The following GRM7 variants were observed in gnomAD, a reference collection of about 807,000 sequenced individuals.
The protein encoded by GRM7 is metabotropic glutamate receptor 7.
Under a neutral mutation model 84.5 loss-of-function variants are expected in GRM7, and 35 were observed. That is an observed-to-expected ratio of 0.41 (90% CI 0.32 to 0.55). GRM7 has a LOEUF of 0.55. Ranked by LOEUF, GRM7 falls within the 20% of genes least tolerant of loss-of-function variation. The pLI, the probability that GRM7 is intolerant of heterozygous loss-of-function variation, is 0.19. For synonymous variants in GRM7, 487 were observed against 455.1 expected (o/e 1.07, Z -0.89); for missense variants, 1,003 against 1,194.6 (o/e 0.84, Z 2.36).
At chr3:6,880,552 C>G (rs1044747196) in intron 1 of GRM7, among the ~76,000 whole-genome samples, 1 of 152,060 alleles carries the variant, frequency 6.6e-6, no homozygotes, top group African/African-American at 2.4e-5. Context: ...CATTTAGGGA[C>G]CAAAAGCCCC....
chr3:7,651,383 C>G (rs1018816428), intron 8 of GRM7, among the ~76,000 whole-genome samples: 9 of 152,288 alleles, frequency 5.9e-5, no homozygotes, highest in African/African-American at 2.2e-4. Context: ...GTTTGCAGTA[C>G]CAGCCTCCCT....
rs1029215832 is a variant in GRM7 at position 7,045,784 on chromosome 3, T to C, written c.520-100668T>C. 9.9e-5 allele frequency among the ~76,000 whole-genome samples: 15 copies of C among 152,280 alleles called. No individual in the cohort carries two copies. The East Asian group carries it at 2.7e-3, about 27-fold the overall frequency. Reference sequence around the variant, plus strand: ...CATATTTTCATTATTCATCTGTCAGTGGACATTTAGGTTGTTTCTATATTT... The same window carrying C: ...CATATTTTCATTATTCATCTGTCAGCGGACATTTAGGTTGTTTCTATATTT... On this transcript the variant is annotated intron_variant, in intron 1 of 9. Transcript: ENST00000357716.
At chr3:7,392,240 A>G (rs1231635614) in intron 4 of GRM7, among the ~76,000 whole-genome samples, 1 of 152,186 alleles carries the variant, frequency 6.6e-6, no homozygotes, top group African/African-American at 2.4e-5. Flanking sequence ...GACCAGTTCC[A>G]GGTCCCAAAG....
chr3:7,676,971 A>T (rs1163763111), intron 8 of GRM7, among the ~76,000 whole-genome samples: 1 of 152,072 alleles, frequency 6.6e-6, no homozygotes, highest in Admixed American at 6.5e-5. Flanking sequence ...TGTACTTATT[A>T]AAAAATAAGG....
At chr3:7,090,165 A>C (rs114809713) in intron 1 of GRM7, among the ~76,000 whole-genome samples, 4,046 of 152,256 alleles carry the variant, frequency 0.027, 180 homozygotes, top group African/African-American at 0.092. Flanking sequence ...TGAATTAAAA[A>C]TAGATGGATT....
At chr3:7,406,458 C>T (rs1299485000) in intron 4 of GRM7, among the ~76,000 whole-genome samples, 3 of 152,034 alleles carry the variant, frequency 2.0e-5, no homozygotes, top group African/African-American at 7.2e-5. Context: ...CGAGATCACA[C>T]CACTGCACTC....
chr3:7,073,623 A>G (rs1247766509), intron 1 of GRM7, among the ~76,000 whole-genome samples: 5 of 152,206 alleles, frequency 3.3e-5, no homozygotes, highest in African/African-American at 1.2e-4. Context: ...TCTGTTGAAC[A>G]TAGAAACACC....
At chr3:7,232,218 C>A (rs73809021) in intron 2 of GRM7, among the ~76,000 whole-genome samples, 1 of 151,818 alleles carries the variant, frequency 6.6e-6, no homozygotes, top group Non-Finnish European at 1.5e-5. Context: ...GGTGAACTCT[C>A]TTCCAACATT....
At chr3:7,286,273 T>C (rs546953559) in intron 2 of GRM7, among the ~76,000 whole-genome samples, 1 of 152,212 alleles carries the variant, frequency 6.6e-6, no homozygotes, top group African/African-American at 2.4e-5. Context: ...TTTGAGGAAT[T>C]ACATTTCAAA....
intron 7 of GRM7, among the ~76,000 whole-genome samples, chr3:7,547,358 C>T (rs1424084662): frequency 1.3e-5 from 2 of 151,886 alleles, no homozygotes; most frequent in Non-Finnish European, 2.9e-5. Flanking sequence ...AGGCGCCCGC[C>T]GCCACGCCTG....
At chr3:7,330,931 T>C (rs1316946134) in intron 4 of GRM7, among the ~76,000 whole-genome samples, 4 of 152,168 alleles carry the variant, frequency 2.6e-5, no homozygotes, top group African/African-American at 9.7e-5. Flanking sequence ...TTACCTTATC[T>C]CACCTGAATT....
chr3:7,561,725 T>G (rs780123196), intron 7 of GRM7, among the ~76,000 whole-genome samples: 1 of 152,162 alleles, frequency 6.6e-6, no homozygotes, highest in Non-Finnish European at 1.5e-5. Flanking sequence ...TAAGCAGATA[T>G]GCATGTTTGG....
intron 1 of GRM7, among the ~76,000 whole-genome samples, chr3:7,012,621 G>T (rs73025892): frequency 0.028 from 4,327 of 152,144 alleles, 73 homozygotes; most frequent in Middle Eastern, 0.075. Context: ...AGGACCATAA[G>T]ACTCTTATTA....
intron 1 of GRM7, among the ~76,000 whole-genome samples, chr3:7,084,818 A>G (rs1698387547): frequency 6.6e-6 from 1 of 152,152 alleles, no homozygotes; most frequent in Admixed American, 6.6e-5. Context: ...TGTAGAGATT[A>G]AAGAACTATT....
intron 7 of GRM7, among the ~76,000 whole-genome samples, chr3:7,516,056 A>G (rs541710795): frequency 5.3e-5 from 8 of 150,922 alleles, no homozygotes; most frequent in African/African-American, 1.9e-4. Flanking sequence ...GGTCTCAACT[A>G]CTTGGGATGC....
intron 1 of GRM7, among the ~76,000 whole-genome samples, chr3:7,005,527 AG>A (rs2124884212): frequency 6.6e-6 from 1 of 152,330 alleles, no homozygotes; most frequent in African/African-American, 2.4e-5. Flanking sequence ...ATGTTAATTT[AG>A]GTATTTGCAG....
At chr3:7,576,980 C>T (rs1227215094) in intron 7 of GRM7, among the ~76,000 whole-genome samples, 1 of 152,192 alleles carries the variant, frequency 6.6e-6, no homozygotes, top group Non-Finnish European at 1.5e-5. Flanking sequence ...TGATCTTTGT[C>T]TTTCCACTCA....
chr3:6,977,125 G>A (rs1694029554), intron 1 of GRM7, among the ~76,000 whole-genome samples: 2 of 152,168 alleles, frequency 1.3e-5, no homozygotes, highest in South Asian at 4.1e-4. Context: ...AAGCCAGGAA[G>A]TTGTGGCGAA....
chr3:7,200,775 C>T (rs1696038697), intron 2 of GRM7, among the ~76,000 whole-genome samples: 2 of 152,216 alleles, frequency 1.3e-5, no homozygotes, highest in East Asian at 1.9e-4. Flanking sequence ...CCTAAATGCA[C>T]ATAGAAATGC....
Sources: gnomAD v4.1 joint callset for allele counts (sites outside exome capture counted in the v4.1 genomes callset) on GRCh38, gnomAD v4.1.1 for gene constraint, MANE v1.5 for transcripts, NCBI Gene and HGNC (gene_info 2026-07-23, HGNC 2026-07-21) for gene names.